Variants in DMC1 observed in about 807,000 individuals in gnomAD.
DMC1 encodes the protein meiotic recombination protein DMC1 homolog.
In DMC1, 27 loss-of-function variants were observed where a neutral mutation model predicts 50.1. That is an observed-to-expected ratio of 0.54 (90% confidence interval 0.40 to 0.74). DMC1 has a LOEUF of 0.74. DMC1 is among the 30% of genes least tolerant of loss of function. The probability of loss-of-function intolerance (pLI) is 0.00; values close to 1 mark genes in which losing one functional copy is unlikely to be tolerated. For synonymous variants in DMC1, 148 were observed against 136.1 expected (o/e 1.09, Z -0.61); for missense variants, 295 against 420.2 (o/e 0.70, Z 2.60).
rs186518762 is a variant in DMC1 at position 38,520,805 on chromosome 22, T to G, written c.954-716A>C. On this transcript the variant is annotated intron_variant, in intron 13 of 13. Transcript: ENST00000216024. Reference sequence around the variant, plus strand: ...ACTTTGAAATAAATTAAAAGATTACTGAGTACCTTCCATGGAAACATAGGT... The same window carrying G: ...ACTTTGAAATAAATTAAAAGATTACGGAGTACCTTCCATGGAAACATAGGT... Among the ~76,000 whole-genome samples, 366 of 152,276 alleles carry G rather than the reference T, an allele frequency of 2.4e-3. 1 individual carries two copies. The highest frequency in any genetic ancestry group is 4.0e-3 in the Non-Finnish European group (273 of 68,012).
At chr22:38,521,495 G>A in intron 13 of DMC1, 113 bp downstream of exon 13, 1 of 709,094 alleles carries the variant, frequency 1.4e-6, no homozygotes, top group Non-Finnish European at 2.4e-6. Context: ...CTTGAGCCTA[G>A]GAGTTTGAGA....
downstream of DMC1, among the ~76,000 whole-genome samples, chr22:38,517,816 A>T (rs2089986486): frequency 1.3e-5 from 2 of 152,190 alleles, no homozygotes; most frequent in African/African-American, 2.4e-5. Context: ...GTGGTTTTCA[A>T]AAGGTAAAAG....
At position 38,543,230 on chromosome 22, in the gene DMC1, G is replaced by GT. The variant is rs1234016755; in HGVS notation, c.495-3819dup. 9.1e-3 allele frequency among the ~76,000 whole-genome samples: 1,202 copies of GT among 131,450 alleles called. 7 individuals carry two copies. The highest frequency in any genetic ancestry group is 0.014 in the African/African-American group (516 of 35,904). 86.2% of individuals were successfully genotyped at this position (131,450 alleles called of 152,430 possible). ...CTTCAAAGGTTTTAGCCTGTAAATT[G>GT]TTTTTTTTTTTTTTTTTGAGACGGA... On this transcript the variant is annotated intron_variant, in intron 8 of 13. Transcript: ENST00000216024.
At position 38,537,585 on chromosome 22, in the gene DMC1, G is replaced by T. The variant is rs771815002; in HGVS notation, c.836+7C>A. The T allele has an allele frequency of 1.9e-6, 3 of 1,612,058 alleles. No homozygotes were observed. The South Asian group carries it at 3.3e-5, about 18-fold the overall frequency. On this transcript the variant is annotated splice_region_variant and intron_variant, in intron 12 of 13. Coordinates refer to ENST00000216024, the MANE Select transcript of DMC1 (RefSeq NM_007068.4). ...TGTGAAATAAAAAGTAGAATATTGG[G>T]GCTTACGTCATAGTTGCTCCTGGAT... is the stretch of plus-strand genomic sequence containing the variant.
At chr22:38,565,766 T>C (rs2090574970) in intron 4 of DMC1, among the ~76,000 whole-genome samples, 1 of 152,250 alleles carries the variant, frequency 6.6e-6, no homozygotes, top group Admixed American at 6.5e-5. Context: ...AGTGAGCACA[T>C]GCTTGGTCAT....
At chr22:38,533,475 G>C (rs1467405289) in intron 12 of DMC1, among the ~76,000 whole-genome samples, 2 of 151,202 alleles carry the variant, frequency 1.3e-5, no homozygotes, top group African/African-American at 4.9e-5. Context: ...AAATTGTTAA[G>C]GGTAAATTTG....
At chr22:38,523,436 T>A (rs1378177853) in intron 12 of DMC1, among the ~76,000 whole-genome samples, 2 of 152,192 alleles carry the variant, frequency 1.3e-5, no homozygotes, top group African/African-American at 4.8e-5. Flanking sequence ...CTGAGGATAT[T>A]CTCAACTGAG....
chr22:38,538,216 T>C, intron 11 of DMC1, 79 bp downstream of exon 11: 1 of 1,209,974 alleles, frequency 8.3e-7, no homozygotes, highest in Non-Finnish European at 1.2e-6. Flanking sequence ...CGCTGCCTCC[T>C]GACATTATAT....
chr22:38,519,067 T>C lies in DMC1; in HGVS notation c.*953A>G, dbSNP rs1337239331. The C allele has an allele frequency of 6.6e-6, 1 of 151,654 alleles. No individual in the cohort carries two copies. Among genetic ancestry groups the C allele is most frequent in the Non-Finnish European group, 1.5e-5 (1 of 67,684 alleles). 9.4% of individuals were successfully genotyped at this position (151,654 alleles called of 1,614,324 possible). Reference sequence around the variant, plus strand: ...TAATTTTAACATTTTAAAAAAGTTTTTTTTTTTTTTTTGAGACGGAGTCTC... The same window carrying C: ...TAATTTTAACATTTTAAAAAAGTTTCTTTTTTTTTTTTGAGACGGAGTCTC... On this transcript the variant is annotated 3_prime_UTR_variant, in exon 14 of 14. Coordinates refer to ENST00000216024, the MANE Select transcript of DMC1 (RefSeq NM_007068.4).
Position 38,539,311 on chromosome 22 carries a change from G to A in DMC1, c.586+10C>T, listed in dbSNP as rs561548325. On this transcript the variant is annotated intron_variant, in intron 9 of 13. Transcript: ENST00000216024. ...ATTGACCCAAGCATCCAACTGCATGGGGCTCTTACTAGTATATGCACGTGC... is the reference window on the plus strand; with the variant it reads ...ATTGACCCAAGCATCCAACTGCATGAGGCTCTTACTAGTATATGCACGTGC... 3.1e-6 allele frequency: 5 copies of A among 1,604,652 alleles called. No homozygotes were observed. The East Asian group carries it at 1.1e-4, about 36-fold the overall frequency.
chr22:38,511,652 A>G, the DMC1 span, among the ~76,000 whole-genome samples: 8 of 151,954 alleles, frequency 5.3e-5, no homozygotes, highest in African/African-American at 1.7e-4. Flanking sequence ...CCTGGGCTGG[A>G]GTGCAGTGAC....
intron 12 of DMC1, 124 bp downstream of exon 12, chr22:38,537,468 T>C: frequency 1.2e-6 from 1 of 847,170 alleles, no homozygotes; most frequent in Non-Finnish European, 2.0e-6. Flanking sequence ...TGCCTCAGCC[T>C]GCTAAAGTGC....
chr22:38,562,758 T>C (rs111469972), intron 4 of DMC1, among the ~76,000 whole-genome samples: 3 of 152,132 alleles, frequency 2.0e-5, no homozygotes, highest in African/African-American at 7.2e-5. Flanking sequence ...ACACGTTATA[T>C]ACACATATAT....
At chr22:38,515,754 C>A (rs1486444096), downstream of DMC1, among the ~76,000 whole-genome samples, 2 of 151,976 alleles carry the variant, frequency 1.3e-5, no homozygotes, top group South Asian at 4.1e-4. Context: ...GCCAAGATTG[C>A]GCCACTGCAC....
chr22:38,536,658 A>C (rs1395367861), intron 12 of DMC1, among the ~76,000 whole-genome samples: 1 of 152,124 alleles, frequency 6.6e-6, no homozygotes, highest in Non-Finnish European at 1.5e-5. Context: ...GATAAGCTGC[A>C]ATATAAGTTT....
intron 12 of DMC1, 104 bp from the exon 13 acceptor site, chr22:38,521,828 T>C (rs569458628): frequency 1.2e-6 from 1 of 850,986 alleles, no homozygotes; most frequent in Non-Finnish European, 2.0e-6. Context: ...GGAGTTGGAA[T>C]AAGTGTATAT....
At chr22:38,562,258 T>C in intron 5 of DMC1, 29 bp downstream of exon 5, 1 of 1,377,274 alleles carries the variant, frequency 7.3e-7, no homozygotes, top group Non-Finnish European at 1.0e-6. Flanking sequence ...AGATTATGCT[T>C]AGTGATTATA....
At position 38,570,090 on chromosome 22, in the gene DMC1, C is replaced by T. The variant is rs541409938; in HGVS notation, c.-81G>A. The T allele has an allele frequency of 6.6e-6, 1 of 152,394 alleles. No individual in the cohort carries two copies. Among genetic ancestry groups the T allele is most frequent in the South Asian group, 2.1e-4 (1 of 4,818 alleles). The allele number at this position is 152,394 out of a possible 1,614,324, so 9.4% of individuals were successfully genotyped here. A position where few individuals can be genotyped will look rare whatever the true frequency, so the allele number is the denominator to read the frequency against. ...CCGAGATTTTCAAGGTGAAGCCCCT[C>T]TGCCCCGCCCGACCTCCTCAGCTGA... On this transcript the variant is annotated 5_prime_UTR_variant, in exon 1 of 14. Coordinates refer to ENST00000216024, the MANE Select transcript of DMC1 (RefSeq NM_007068.4).
intron 7 of DMC1, 106 bp downstream of exon 7, chr22:38,552,560 T>G: frequency 1.1e-6 from 1 of 897,086 alleles, no homozygotes; most frequent in Middle Eastern, 2.9e-4. Context: ...TTAGTTTCCT[T>G]GCAAGTATGT....
Sources: gnomAD v4.1 joint callset for allele counts (sites outside exome capture counted in the v4.1 genomes callset) on GRCh38, gnomAD v4.1.1 for gene constraint, MANE v1.5 for transcripts, NCBI Gene and HGNC (gene_info 2026-07-23, HGNC 2026-07-21) for gene names.